CDON: variants seen among roughly 807,000 people sequenced by gnomAD.
CDON encodes the protein cell adhesion molecule-related/down-regulated by oncogenes.
CDON carries 73 observed loss-of-function variants against 120.9 expected under a neutral mutation model. That is an observed-to-expected ratio of 0.60 (90% CI 0.50 to 0.73). CDON has a LOEUF of 0.73. CDON is among the 30% of genes least tolerant of loss of function. The pLI is 0.00. For synonymous variants in CDON, 566 were observed against 573.5 expected (o/e 0.99, Z 0.19); for missense variants, 1,470 against 1,587.3 (o/e 0.93, Z 1.26).
At chr11:125,997,647 G>T (rs949044243) in intron 11 of CDON, among the ~76,000 whole-genome samples, 4 of 152,150 alleles carry the variant, frequency 2.6e-5, no homozygotes, top group Admixed American at 2.6e-4. Flanking sequence ...CTGAAAAACT[G>T]AAAGCTAACA....
intron 17 of CDON, 137 bp from the exon 18 acceptor site, chr11:125,978,520 T>C (rs1033990077): frequency 5.8e-5 from 40 of 691,242 alleles, no homozygotes; most frequent in Non-Finnish European, 8.7e-5. Flanking sequence ...TCTAACCAAC[T>C]CCCAGAGCAA....
At position 126,017,142 on chromosome 11, in the gene CDON, C is replaced by T. The variant is rs754752328; in HGVS notation, c.874G>A (p.Ala292Thr). 2 of 1,614,064 alleles carry T rather than the reference C, an allele frequency of 1.2e-6. No homozygotes were observed. Among genetic ancestry groups the T allele is most frequent in the African/African-American group, 2.7e-5 (2 of 74,930 alleles). ...PADSGNYSCM[A>T]GNKSGDVKYV... ...TTTACATCTCCAGACTTGTTTCCCG[C>T]CATGCAGGAATAGTTTCCGGAGTCC... is the stretch of plus-strand genomic sequence containing the variant. Residue 292 changes from alanine to threonine, a missense_variant, in exon 6 of 20, where the codon GCG becomes ACG. Coordinates refer to ENST00000531738, the MANE Select transcript of CDON (RefSeq NM_001378964.1).
intron 17 of CDON, 126 bp from the exon 18 acceptor site, chr11:125,978,509 T>C (rs2134429688): frequency 1.4e-6 from 1 of 708,096 alleles, no homozygotes. Flanking sequence ...ACACAGTATA[T>C]TCTAACCAAC....
rs1175865166 is a variant in CDON at position 125,958,677 on chromosome 11, C to T, written c.*2265G>A. The T allele has an allele frequency of 6.6e-6, 1 of 150,800 alleles. No individual in the cohort carries two copies. The highest frequency in any genetic ancestry group is 1.5e-5 in the Non-Finnish European group (1 of 67,802). 9.3% of individuals were successfully genotyped at this position (150,800 alleles called of 1,614,324 possible). A position where few individuals can be genotyped will look rare whatever the true frequency, so the allele number is the denominator to read the frequency against. ...ATAAAAAGAATAACACTTAAAACAG[C>T]GTTACTAATAATATAAATAAAGCAG... On this transcript the variant is annotated 3_prime_UTR_variant, in exon 20 of 20. Transcript: ENST00000531738.
chr11:126,020,119 C>A, intron 3 of CDON, among the ~76,000 whole-genome samples: 1 of 152,094 alleles, frequency 6.6e-6, no homozygotes, highest in East Asian at 1.9e-4. Context: ...AGGGCTAAGA[C>A]CGAAGTCACG....
intron 10 of CDON, among the ~76,000 whole-genome samples, chr11:126,002,369 A>C (rs1408997612): frequency 6.6e-6 from 1 of 152,214 alleles, no homozygotes; most frequent in Non-Finnish European, 1.5e-5. Context: ...AATGAACTCA[A>C]GATACATTTA....
rs1945517631 is a variant in CDON, at chr11:125,957,505, C to T, written c.*3437G>A. The T allele has an allele frequency of 6.6e-6, 1 of 152,186 alleles. No individual in the cohort carries two copies. Among genetic ancestry groups the T allele is most frequent in the Admixed American group, 6.5e-5 (1 of 15,278 alleles). The allele number at this position is 152,186 out of a possible 1,614,324, so 9.4% of individuals were successfully genotyped here. On this transcript the variant is annotated 3_prime_UTR_variant, in exon 20 of 20. Coordinates refer to ENST00000531738, the MANE Select transcript of CDON (RefSeq NM_001378964.1). Reference sequence around the variant, plus strand: ...AATCATATCAACCAAATAAAACCTGCCAAAGCTACATCATTTAAAATATGT... The same window carrying T: ...AATCATATCAACCAAATAAAACCTGTCAAAGCTACATCATTTAAAATATGT...
chr11:125,965,573 G>A (rs1445552907), intron 18 of CDON, among the ~76,000 whole-genome samples: 2 of 152,126 alleles, frequency 1.3e-5, no homozygotes, highest in Non-Finnish European at 1.5e-5. Flanking sequence ...GGAGTTCAGC[G>A]TCTGCCAAGG....
At chr11:126,006,424 T>A (rs1947132550) in intron 8 of CDON, among the ~76,000 whole-genome samples, 1 of 152,146 alleles carries the variant, frequency 6.6e-6, no homozygotes. Context: ...TCCCAGAACT[T>A]TGGGAGGCCG....
At chr11:126,021,586 A>G in intron 2 of CDON, 66 bp from the exon 3 acceptor site, 1 of 1,301,778 alleles carries the variant, frequency 7.7e-7, no homozygotes, top group South Asian at 1.2e-5. Context: ...AAAGAAGATT[A>G]CATTAAACAC....
chr11:125,999,400 A>G (rs1946874613), intron 11 of CDON, among the ~76,000 whole-genome samples: 1 of 152,234 alleles, frequency 6.6e-6, no homozygotes, highest in Non-Finnish European at 1.5e-5. Context: ...TTGGGTAGCA[A>G]GCCGTTTCTC....
intron 1 of CDON, among the ~76,000 whole-genome samples, chr11:126,052,817 C>T (rs1379253020): frequency 6.2e-5 from 9 of 144,038 alleles, no homozygotes; most frequent in East Asian, 6.0e-4. Flanking sequence ...AACAAGACTC[C>T]GTCTCAAAAA....
At chr11:126,000,379 A>T (rs618360) in intron 11 of CDON, among the ~76,000 whole-genome samples, 92,394 of 151,840 alleles carry the variant, frequency 0.61, 28,260 homozygotes, top group Admixed American at 0.63. Context: ...GGCTACTTTT[A>T]AAATTTTTTG....
intron 15 of CDON, among the ~76,000 whole-genome samples, chr11:125,987,791 C>A (rs960292724): frequency 7.2e-5 from 11 of 152,030 alleles, no homozygotes; most frequent in African/African-American, 1.7e-4. Flanking sequence ...AGCGTCTGGT[C>A]CAAAAAGGCA....
intron 6 of CDON, among the ~76,000 whole-genome samples, chr11:126,016,259 T>G (rs1256922064): frequency 6.6e-6 from 1 of 152,142 alleles, no homozygotes; most frequent in Non-Finnish European, 1.5e-5. Context: ...AAGGAAAACA[T>G]TTTCTGCAGC....
chr11:125,996,372 C>T (rs1009153310), intron 12 of CDON, among the ~76,000 whole-genome samples: 10 of 151,940 alleles, frequency 6.6e-5, no homozygotes, highest in Non-Finnish European at 1.0e-4. Flanking sequence ...AAAACATATA[C>T]GATAAAATAT....
chr11:126,006,796 G>GA (rs5795471), intron 8 of CDON, among the ~76,000 whole-genome samples: 27,089 of 149,296 alleles, frequency 0.18, 2,553 homozygotes, highest in East Asian at 0.24. Flanking sequence ...TCTTTGCACT[G>GA]AAAAAAAAAA....
intron 3 of CDON, among the ~76,000 whole-genome samples, chr11:126,020,907 G>A (rs1430791613): frequency 6.6e-6 from 1 of 152,018 alleles, no homozygotes; most frequent in Non-Finnish European, 1.5e-5. Flanking sequence ...ATGATATCAT[G>A]GATTTCCAAG....
chr11:126,041,149 G>A (rs1853886864), intron 1 of CDON, among the ~76,000 whole-genome samples: 1 of 148,326 alleles, frequency 6.7e-6, no homozygotes, highest in Non-Finnish European at 1.5e-5. Context: ...CCGAGATCGT[G>A]CCACTGCACT....
Sources: gnomAD v4.1 joint callset for allele counts (sites outside exome capture counted in the v4.1 genomes callset) on GRCh38, gnomAD v4.1.1 for gene constraint, MANE v1.5 for transcripts, NCBI Gene and HGNC (gene_info 2026-07-23, HGNC 2026-07-21) for gene names.